The following INPP4A variants were observed in gnomAD, a reference collection of about 807,000 sequenced individuals.
The protein encoded by INPP4A is inositol polyphosphate-4-phosphatase type I A.
In INPP4A, 33 loss-of-function variants were observed where a neutral mutation model predicts 119.8. That is an observed-to-expected ratio of 0.28 (90% CI 0.21 to 0.37). The LOEUF is 0.37. INPP4A is among the 10% of genes least tolerant of loss of function. The pLI is 1.00. For synonymous variants in INPP4A, 496 were observed against 500.7 expected (o/e 0.99, Z 0.12); for missense variants, 956 against 1,289.9 (o/e 0.74, Z 3.97).
At chr2:98,491,703 C>T (rs750234332) in intron 1 of INPP4A, among the ~76,000 whole-genome samples, 7 of 152,106 alleles carry the variant, frequency 4.6e-5, no homozygotes, top group South Asian at 2.1e-4. Flanking sequence ...GACAATGGAG[C>T]GCAGGGAAAT....
intron 4 of INPP4A, among the ~76,000 whole-genome samples, chr2:98,531,765 A>G (rs1368703589): frequency 6.6e-6 from 1 of 152,258 alleles, no homozygotes; most frequent in Non-Finnish European, 1.5e-5. Context: ...AGACATTTTC[A>G]AACCTTAAAA....
intron 1 of INPP4A, among the ~76,000 whole-genome samples, chr2:98,480,345 C>T (rs1678156375): frequency 6.6e-6 from 1 of 152,184 alleles, no homozygotes; most frequent in Non-Finnish European, 1.5e-5. Context: ...TCCCCAGCTA[C>T]CTGATGAGGT....
intron 1 of INPP4A, among the ~76,000 whole-genome samples, chr2:98,490,030 G>A (rs114519220): frequency 4.4e-4 from 67 of 152,112 alleles, no homozygotes; most frequent in African/African-American, 1.6e-3. Flanking sequence ...CTCTTAAGGT[G>A]TAGTGGCTGG....
intron 1 of INPP4A, among the ~76,000 whole-genome samples, chr2:98,447,795 C>T (rs1307576853): frequency 6.6e-6 from 1 of 152,174 alleles, no homozygotes; most frequent in Non-Finnish European, 1.5e-5. Flanking sequence ...CAGCAGTAAT[C>T]CCCGCACTTT....
At chr2:98,504,347 C>T (rs1409949774) in intron 1 of INPP4A, among the ~76,000 whole-genome samples, 2 of 152,262 alleles carry the variant, frequency 1.3e-5, no homozygotes, top group East Asian at 3.8e-4. Context: ...CTGAATGTTT[C>T]AAACAGGATT....
chr2:98,558,946 G>A (rs1694974299), intron 16 of INPP4A, among the ~76,000 whole-genome samples: 3 of 152,154 alleles, frequency 2.0e-5, no homozygotes, highest in African/African-American at 7.2e-5. Context: ...TGGTATACTG[G>A]TTTCATTCCT....
intron 18 of INPP4A, 71 bp from the exon 19 acceptor site, chr2:98,564,569 T>A: frequency 6.3e-7 from 1 of 1,589,624 alleles, no homozygotes; most frequent in East Asian, 2.3e-5. Flanking sequence ...GGTGGGGGGC[T>A]GGGCATGATC....
chr2:98,497,508 C>G (rs1366125375), intron 1 of INPP4A, among the ~76,000 whole-genome samples: 2 of 152,152 alleles, frequency 1.3e-5, no homozygotes, highest in African/African-American at 4.8e-5. Context: ...TGAAAGGAGC[C>G]AGGAGGGGGA....
chr2:98,519,927 C>G lies in INPP4A; in HGVS notation c.-103-19C>G. 5 of 730,964 alleles carry G rather than the reference C, an allele frequency of 6.8e-6. No homozygotes were observed. Among genetic ancestry groups the G allele is most frequent in the Admixed American group, 6.5e-5 (3 of 46,064 alleles). 45.3% of individuals were successfully genotyped at this position (730,964 alleles called of 1,614,324 possible). On this transcript the variant is annotated intron_variant, in intron 2 of 24. Transcript: ENST00000409851. ...CCATCACCGTCCCCATGGTTTCTTA[C>G]AAGTGCTCCTTTTCTCAGGGCTACT... is the stretch of plus-strand genomic sequence containing the variant.
intron 1 of INPP4A, among the ~76,000 whole-genome samples, chr2:98,476,524 G>A (rs1677244766): frequency 6.6e-6 from 1 of 152,274 alleles, no homozygotes; most frequent in East Asian, 1.9e-4. Context: ...CACAGTCAGG[G>A]AGGCTCTCAG....
chr2:98,530,426 C>T (rs758337880), intron 4 of INPP4A, among the ~76,000 whole-genome samples: 8 of 152,092 alleles, frequency 5.3e-5, no homozygotes, highest in Non-Finnish European at 1.0e-4. Flanking sequence ...TTCTAGGGTC[C>T]GTTAGGGGAA....
At chr2:98,479,339 C>A (rs914762838) in intron 1 of INPP4A, among the ~76,000 whole-genome samples, 6 of 152,084 alleles carry the variant, frequency 3.9e-5, no homozygotes, top group Non-Finnish European at 8.8e-5. Flanking sequence ...GTGAGATATC[C>A]CGAGGCTACC....
At chr2:98,508,512 A>G (rs927676189) in intron 1 of INPP4A, among the ~76,000 whole-genome samples, 2 of 152,190 alleles carry the variant, frequency 1.3e-5, no homozygotes, top group South Asian at 4.1e-4. Context: ...GTCACGGGGA[A>G]GCCCGTGTCC....
chr2:98,490,534 C>T (rs187162024), intron 1 of INPP4A, among the ~76,000 whole-genome samples: 37 of 152,188 alleles, frequency 2.4e-4, no homozygotes, highest in African/African-American at 7.5e-4. Context: ...AGATGGAACC[C>T]GGGGTTTCAG....
At chr2:98,565,333 C>T (rs1030937262) in intron 19 of INPP4A, among the ~76,000 whole-genome samples, 1 of 152,198 alleles carries the variant, frequency 6.6e-6, no homozygotes, top group African/African-American at 2.4e-5. Context: ...CAAGAGCTGG[C>T]TTTGCTTTCT....
intron 16 of INPP4A, among the ~76,000 whole-genome samples, chr2:98,557,125 C>T (rs1694628993): frequency 6.6e-6 from 1 of 152,080 alleles, no homozygotes; most frequent in South Asian, 2.1e-4. Context: ...ATATCCCTAA[C>T]TTAAGTGTCA....
intron 1 of INPP4A, among the ~76,000 whole-genome samples, chr2:98,466,061 T>C (rs975016749): frequency 7.2e-5 from 11 of 152,300 alleles, no homozygotes; most frequent in Non-Finnish European, 1.5e-4. Flanking sequence ...TTTTTGTTTT[T>C]TTGAGATGGA....
At chr2:98,534,282 T>C (rs903285928) in intron 5 of INPP4A, among the ~76,000 whole-genome samples, 1 of 152,230 alleles carries the variant, frequency 6.6e-6, no homozygotes, top group Non-Finnish European at 1.5e-5. Context: ...GCACAGTCCC[T>C]GCCCTGAGGA....
At chr2:98,454,703 G>T (rs1192181655) in intron 1 of INPP4A, among the ~76,000 whole-genome samples, 1 of 148,594 alleles carries the variant, frequency 6.7e-6, no homozygotes. Flanking sequence ...TATCACAGAA[G>T]AGGGAGGTGC....
Sources: allele counts gnomAD v4.1 joint callset (sites outside exome capture counted in the v4.1 genomes callset), GRCh38; gene constraint gnomAD v4.1.1; transcripts MANE v1.5; gene names NCBI Gene and HGNC (gene_info 2026-07-23, HGNC 2026-07-21).